The following GRIK5 variants were observed in gnomAD, a reference collection of about 807,000 sequenced individuals.
GRIK5 encodes glutamate ionotropic receptor kainate type subunit 5.
A neutral mutation model predicts 97.4 loss-of-function variants in GRIK5; 43 were observed. That is an observed-to-expected ratio of 0.44 (90% CI 0.35 to 0.57). The LOEUF (loss-of-function observed/expected upper bound fraction) is 0.57. Among genes scored for constraint, GRIK5 ranks in the 20% least tolerant of loss-of-function variants. The pLI is 0.01. For synonymous variants in GRIK5, 580 were observed against 583.5 expected (o/e 0.99, Z 0.09); for missense variants, 1,015 against 1,382.0 (o/e 0.73, Z 4.21).
chr19:42,054,165 C>T (rs990164195), intron 9 of GRIK5, among the ~76,000 whole-genome samples, 155 bp downstream of exon 9: 3 of 151,914 alleles, frequency 2.0e-5, no homozygotes, highest in African/African-American at 7.3e-5. Flanking sequence ...GAGAGAGTAA[C>T]CCAGATAGGC....
chr19:42,051,836 CCTCCTGCCGCT>C (rs1371165544), intron 11 of GRIK5, among the ~76,000 whole-genome samples: 1 of 152,186 alleles, frequency 6.6e-6, no homozygotes, highest in Non-Finnish European at 1.5e-5. Flanking sequence ...AGCTCCTGCC[CCTCCTGCCGCT>C]CCTGCTGCCT....
Position 42,042,811 on chromosome 19 carries a change from C to A in GRIK5, c.1270-56G>T, listed in dbSNP as rs1050098684. 1 of 1,425,836 alleles carries A rather than the reference C, an allele frequency of 7.0e-7. No homozygotes were observed. The highest frequency in any genetic ancestry group is 1.4e-5 in the African/African-American group (1 of 71,554). 88.3% of individuals were successfully genotyped at this position (1,425,836 alleles called of 1,614,324 possible). ...GGCTGGGTGTCTAGTGGCTGGGTTG[C>A]GGATCCTGGAGCCCGGACCAGGCAG... On this transcript the variant is annotated intron_variant, in intron 11 of 19. Transcript: ENST00000593562. The surrounding 1 kb of genome is among the most constrained non-coding windows in gnomAD (Gnocchi z 6.9).
rs529644102 is a variant in GRIK5 at position 42,046,854 on chromosome 19, C to T, written c.1270-4099G>A. ...CTTGTACTCTTTGAATTCTATTTTA[C>T]GTAGGTTTGTATTAACTTCTGTCCC... is the stretch of plus-strand genomic sequence containing the variant. On this transcript the variant is annotated intron_variant, in intron 11 of 19. Transcript: ENST00000593562. Among the ~76,000 whole-genome samples, 4 of 152,108 alleles carry T rather than the reference C, an allele frequency of 2.6e-5. No homozygotes were observed. In the South Asian group the frequency reaches 6.2e-4, roughly 24 times the overall value.
intron 11 of GRIK5, among the ~76,000 whole-genome samples, chr19:42,044,871 C>T (rs1443434873): frequency 1.3e-5 from 2 of 152,172 alleles, no homozygotes; most frequent in Non-Finnish European, 1.5e-5. Flanking sequence ...CCCAGAGGCT[C>T]AGGTTGCGGT....
chr19:42,051,982 G>C (rs2076122947), intron 11 of GRIK5, among the ~76,000 whole-genome samples: 1 of 152,148 alleles, frequency 6.6e-6, no homozygotes, highest in Admixed American at 6.5e-5. Context: ...CTCATTGTGG[G>C]AATGACTGTG....
At chr19:42,055,270 CA>C (rs1179601206) in intron 8 of GRIK5, among the ~76,000 whole-genome samples, 1 of 151,520 alleles carries the variant, frequency 6.6e-6, no homozygotes, top group Non-Finnish European at 1.5e-5. Context: ...TAGATGTGCA[CA>C]GGGGTACACA....
chr19:42,064,495 C>T (rs1176026564), intron 3 of GRIK5, among the ~76,000 whole-genome samples: 1 of 152,114 alleles, frequency 6.6e-6, no homozygotes, highest in Non-Finnish European at 1.5e-5. Flanking sequence ...AGACTCTAGG[C>T]ACATGACTGG....
intron 12 of GRIK5, among the ~76,000 whole-genome samples, chr19:42,027,617 A>T (rs1360292232): frequency 1.3e-5 from 2 of 152,178 alleles, no homozygotes; most frequent in Non-Finnish European, 2.9e-5. Flanking sequence ...GGATGTGGGA[A>T]CCAGGGAGCC....
At chr19:42,025,892 C>T (rs1437753624) in intron 12 of GRIK5, among the ~76,000 whole-genome samples, 1 of 152,200 alleles carries the variant, frequency 6.6e-6, no homozygotes, top group African/African-American at 2.4e-5. Context: ...AGGAGGATTG[C>T]TTGAGCCAAA....
At chr19:42,058,414 C>T (rs1372821494) in intron 6 of GRIK5, among the ~76,000 whole-genome samples, 2 of 150,494 alleles carry the variant, frequency 1.3e-5, no homozygotes, top group Non-Finnish European at 3.0e-5. Flanking sequence ...ATCTCCTGAC[C>T]TCGTGATCCG....
At chr19:42,056,605 C>G (rs2076188833) in intron 8 of GRIK5, 57 bp downstream of exon 8, 1 of 1,507,660 alleles carries the variant, frequency 6.6e-7, no homozygotes, top group Non-Finnish European at 9.2e-7. Flanking sequence ...TGAAAGGGGG[C>G]CCCAGAAGTA....
chr19:42,045,874 A>C (rs185327261), intron 11 of GRIK5, among the ~76,000 whole-genome samples: 1 of 152,300 alleles, frequency 6.6e-6, no homozygotes, highest in African/African-American at 2.4e-5. Context: ...TGAGAAGGAC[A>C]AGTTGGTCTG....
At chr19:42,027,207 C>T (rs2075782620) in intron 12 of GRIK5, among the ~76,000 whole-genome samples, 1 of 152,168 alleles carries the variant, frequency 6.6e-6, no homozygotes, top group African/African-American at 2.4e-5. Context: ...CAGGTAGTGA[C>T]AAGTGCTGTG....
At chr19:42,047,291 G>A (rs1245927936) in intron 11 of GRIK5, among the ~76,000 whole-genome samples, 2 of 151,926 alleles carry the variant, frequency 1.3e-5, no homozygotes, top group East Asian at 3.9e-4. Context: ...TGTAGTCTCA[G>A]CACTTTAAGA....
chr19:42,051,972 C>T (rs2076122780), intron 11 of GRIK5, among the ~76,000 whole-genome samples: 1 of 152,196 alleles, frequency 6.6e-6, no homozygotes, highest in African/African-American at 2.4e-5. Context: ...TTGGTAGTCC[C>T]TCATTGTGGG....
Position 42,005,921 on chromosome 19 carries a change from T to C in GRIK5, c.2065A>G (p.Met689Val). The C allele has an allele frequency of 6.3e-7, 1 of 1,595,802 alleles. No individual in the cohort carries two copies. Among genetic ancestry groups the C allele is most frequent in the Non-Finnish European group, 8.6e-7 (1 of 1,166,588 alleles). The change falls in exon 17 of 20, where the codon ATG becomes GTG. Residue 689 changes from methionine (M) to valine (V), a missense_variant. Around this residue, in one of 5 missense-constraint regions of GRIK5, gnomAD observed 229 missense variants for 341.0 expected, o/e 0.67. Coordinates refer to ENST00000593562, the MANE Select transcript of GRIK5 (RefSeq NM_002088.5). ...QNSRYQTYQR[M>V]WNYMQSKQPS... ...TGCTTCGACTGCATGTAGTTCCACA[T>C]GCGCTGGTACGTTTGGTACCGTGAA...
rs1166244642 is a variant in GRIK5 at position 42,062,455 on chromosome 19, G to C, written c.508+33C>G. 6.2e-7 allele frequency: 1 copy of C among 1,610,380 alleles called. No homozygotes were observed. Among genetic ancestry groups the C allele is most frequent in the African/African-American group, 1.3e-5 (1 of 74,958 alleles). ...ATCTCTTGGGAAGGGGTGTCTGGGG[G>C]AACAGAAAACAAAACATTCAGTTCT... On this transcript the variant is annotated intron_variant, in intron 5 of 19. Transcript: ENST00000593562. This position sits in a 1 kb window ranked among gnomAD's most constrained non-coding sequence, Gnocchi z 5.3.
chr19:42,062,399 G>T lies in GRIK5; in HGVS notation c.508+89C>A, dbSNP rs999176911. ...CCTGGGTGCCCCAGGGTTCTAACTA[G>T]GGGGCAGTGAACCACTGTGTGGGAC... On this transcript the variant is annotated intron_variant, in intron 5 of 19. Transcript: ENST00000593562. The surrounding 1 kb of genome is among the most constrained non-coding windows in gnomAD (Gnocchi z 5.3). 2.9e-6 allele frequency: 4 copies of T among 1,362,368 alleles called. No individual in the cohort carries two copies. The highest frequency in any genetic ancestry group is 4.1e-6 in the Non-Finnish European group (4 of 981,426). 84.4% of individuals were successfully genotyped at this position (1,362,368 alleles called of 1,614,324 possible). A position where few individuals can be genotyped will look rare whatever the true frequency, so the allele number is the denominator to read the frequency against.
At chr19:42,037,493 C>G (rs1028388646) in intron 12 of GRIK5, among the ~76,000 whole-genome samples, 2 of 152,096 alleles carry the variant, frequency 1.3e-5, no homozygotes, top group Non-Finnish European at 2.9e-5. Flanking sequence ...ACAAAAAAAC[C>G]CTCTGTGAGG....
Sources: gnomAD v4.1 joint callset for allele counts (sites outside exome capture counted in the v4.1 genomes callset) on GRCh38, gnomAD v4.1.1 for gene constraint, gnomAD v4.1.1 regional missense constraint, Gnocchi (gnomAD v3.1) non-coding constraint, MANE v1.5 for transcripts, NCBI Gene and HGNC (gene_info 2026-07-23, HGNC 2026-07-21) for gene names.